The following LIFR variants were observed in gnomAD, a reference collection of about 807,000 sequenced individuals.
LIFR encodes the protein leukemia inhibitory factor receptor.
LIFR carries 84 observed loss-of-function variants against 122.2 expected under a neutral mutation model. The ratio of observed to expected loss-of-function variants is 0.69; its 90% confidence interval spans 0.58 to 0.82. LIFR has a LOEUF of 0.82. LIFR is among the 40% of genes least tolerant of loss of function. The pLI is 0.00. For missense variants in LIFR, 1,294 were observed against 1,311.6 expected (o/e 0.99, Z 0.21); for synonymous variants, 422 against 434.7 (o/e 0.97, Z 0.36).
In LIFR at chr5:38,478,965, C is replaced by G. The variant is rs1743847507; in HGVS notation, c.*2630G>C. Reference sequence around the variant, plus strand: ...GGGAGAAGCCACGAATCTAACTGGACAGAGCACAATCAGTATGAGACCACC... The same window carrying G: ...GGGAGAAGCCACGAATCTAACTGGAGAGAGCACAATCAGTATGAGACCACC... On this transcript the variant is annotated 3_prime_UTR_variant, in exon 20 of 20. Transcript: ENST00000453190. 4.3e-6 allele frequency: 1 copy of G among 230,412 alleles called. No homozygotes were observed. Among genetic ancestry groups the G allele is most frequent in the Non-Finnish European group, 8.6e-6 (1 of 116,298 alleles). The allele number at this position is 230,412 out of a possible 1,614,324, so 14.3% of individuals were successfully genotyped here. A position where few individuals can be genotyped will look rare whatever the true frequency, so the allele number is the denominator to read the frequency against.
intron 1 of LIFR, among the ~76,000 whole-genome samples, chr5:38,535,969 A>G (rs531944674): frequency 1.3e-5 from 2 of 152,304 alleles, no homozygotes; most frequent in Admixed American, 1.3e-4. Flanking sequence ...ACATCTGTCC[A>G]ACACTCTGAA....
intron 6 of LIFR, 148 bp from the exon 7 acceptor site, chr5:38,510,866 T>C (rs994422949): frequency 1.5e-5 from 10 of 668,970 alleles, no homozygotes; most frequent in African/African-American, 3.6e-5. Context: ...GTAATGATAA[T>C]GGTCCAAAGA....
At position 38,474,802 on chromosome 5, in the gene LIFR, T is replaced by C. The variant is rs1207842518; in HGVS notation, c.*6793A>G. 1.3e-5 allele frequency among the ~76,000 whole-genome samples: 2 copies of C among 152,128 alleles called. No homozygotes were observed. The highest frequency in any genetic ancestry group is 2.4e-5 in the African/African-American group (1 of 41,424). ...GGATGTTACACCAATGGCACAGCAA[T>C]GTACTCAAATGTTAAAAATACATCC... On this transcript the variant is annotated 3_prime_UTR_variant, in exon 20 of 20. Transcript: ENST00000453190.
At chr5:38,531,399 T>C (rs1746999454) in intron 1 of LIFR, among the ~76,000 whole-genome samples, 2 of 151,870 alleles carry the variant, frequency 1.3e-5, no homozygotes, top group Non-Finnish European at 2.9e-5. Context: ...GGCTAAAATA[T>C]TAAAGAGAAA....
rs1483689469 is a variant in LIFR at position 38,481,247 on chromosome 5, AAAC to A, written c.*345_*347del. The A allele has an allele frequency of 2.8e-6, 1 of 359,520 alleles. No homozygotes were observed. The highest frequency in any genetic ancestry group is 5.1e-6 in the Non-Finnish European group (1 of 195,506). 22.3% of individuals were successfully genotyped at this position (359,520 alleles called of 1,614,324 possible). On this transcript the variant is annotated 3_prime_UTR_variant, in exon 20 of 20. Coordinates refer to ENST00000453190, the MANE Select transcript of LIFR (RefSeq NM_001127671.2). The stretch of plus-strand genomic sequence containing the variant: ...CCAAGTATACACATGAGAAAACCAC[AAAC>A]AACAGAACAGAAAACAGTTGCGGCG...
chr5:38,561,732 G>A (rs1748845374), intron 1 of LIFR, among the ~76,000 whole-genome samples: 1 of 152,148 alleles, frequency 6.6e-6, no homozygotes, highest in African/African-American at 2.4e-5. Flanking sequence ...TGATGGTGAG[G>A]CAGTTCTAGC....
chr5:38,547,807 A>G (rs1404359145), intron 1 of LIFR, among the ~76,000 whole-genome samples: 1 of 152,196 alleles, frequency 6.6e-6, no homozygotes, highest in African/African-American at 2.4e-5. Context: ...GGTATAGTCT[A>G]CTAGACACCT....
Position 38,476,633 on chromosome 5 carries a change from T to A in LIFR, c.*4962A>T, listed in dbSNP as rs779848824. On this transcript the variant is annotated 3_prime_UTR_variant, in exon 20 of 20. Transcript: ENST00000453190. Reference sequence around the variant, plus strand: ...CAATTAGACATTTTCCCCACTCACATCTCTTAGTTTTTAGGGTATTCAGTC... The same window carrying A: ...CAATTAGACATTTTCCCCACTCACAACTCTTAGTTTTTAGGGTATTCAGTC... 4.9e-6 allele frequency: 1 copy of A among 204,600 alleles called. No individual in the cohort carries two copies. Among genetic ancestry groups the A allele is most frequent in the Non-Finnish European group, 1.0e-5 (1 of 100,150 alleles). 12.7% of individuals were successfully genotyped at this position (204,600 alleles called of 1,614,324 possible).
rs1748563735 is a variant in LIFR at position 38,556,556 on chromosome 5, C to T, written c.-242G>A. 2 of 149,972 alleles carry T rather than the reference C, an allele frequency of 1.3e-5. No homozygotes were observed. Among genetic ancestry groups the T allele is most frequent in the Admixed American group, 1.3e-4 (2 of 15,096 alleles). 9.3% of individuals were successfully genotyped at this position (149,972 alleles called of 1,614,324 possible). ...CGGGCGAAGGGCGGCCCGCTGCGCT[C>T]CGCGAACCCCGCGGGCCGCCGCCGC... On this transcript the variant is annotated 5_prime_UTR_variant, in exon 1 of 20. Transcript: ENST00000453190.
At chr5:38,605,638 C>G (rs954790892) in intron 2 of LIFR, among the ~76,000 whole-genome samples, 30 of 152,132 alleles carry the variant, frequency 2.0e-4, no homozygotes, top group Non-Finnish European at 7.3e-5. Context: ...AAAAAAGATA[C>G]CTGCTAAGAT....
At position 38,479,409 on chromosome 5, in the gene LIFR, G is replaced by T. The variant is rs1179089748; in HGVS notation, c.*2186C>A. ...AATGAAGTCTTGGATAGAACGAAAG[G>T]ACTTAAGAGCCCCAGTGATATTCAT... On this transcript the variant is annotated 3_prime_UTR_variant, in exon 20 of 20. Transcript: ENST00000453190. 1 of 230,436 alleles carries T rather than the reference G, an allele frequency of 4.3e-6. No homozygotes were observed. Among genetic ancestry groups the T allele is most frequent in the Non-Finnish European group, 8.6e-6 (1 of 116,426 alleles). 14.3% of individuals were successfully genotyped at this position (230,436 alleles called of 1,614,324 possible).
intron 1 of LIFR, among the ~76,000 whole-genome samples, chr5:38,573,548 T>C (rs1301744859): frequency 6.6e-6 from 1 of 152,178 alleles, no homozygotes. Flanking sequence ...CAAATGAAAT[T>C]AAATAATTTT....
At chr5:38,593,067 G>T (rs1328202338) in intron 1 of LIFR, among the ~76,000 whole-genome samples, 3 of 152,152 alleles carry the variant, frequency 2.0e-5, no homozygotes, top group Non-Finnish European at 4.4e-5. Flanking sequence ...GCCAGGCATG[G>T]TGGTGCACGC....
chr5:38,514,422 T>C (rs1745966726), intron 5 of LIFR, among the ~76,000 whole-genome samples: 1 of 152,198 alleles, frequency 6.6e-6, no homozygotes, highest in Non-Finnish European at 1.5e-5. Context: ...GTTAAACTAG[T>C]AATCACGCAC....
At chr5:38,540,312 A>G (rs1747521776) in intron 1 of LIFR, among the ~76,000 whole-genome samples, 2 of 152,342 alleles carry the variant, frequency 1.3e-5, no homozygotes, top group South Asian at 4.1e-4. Context: ...TAGATGTACA[A>G]TGTGATTAGA....
chr5:38,503,156 T>C (rs1223690550), intron 10 of LIFR, among the ~76,000 whole-genome samples: 1 of 152,188 alleles, frequency 6.6e-6, no homozygotes, highest in Non-Finnish European at 1.5e-5. Flanking sequence ...TAAACCTTAA[T>C]GTGATTTATA....
At chr5:38,563,485 C>T (rs1179748588) in intron 1 of LIFR, among the ~76,000 whole-genome samples, 3 of 152,298 alleles carry the variant, frequency 2.0e-5, no homozygotes. Context: ...TCTCACTTTA[C>T]AGGTGAAGAG....
rs767895692 is a variant in LIFR at position 38,485,873 on chromosome 5, T to C, written c.2443A>G (p.Thr815Ala). The C allele has an allele frequency of 4.3e-6, 7 of 1,614,192 alleles. No individual in the cohort carries two copies. Among genetic ancestry groups the C allele is most frequent in the African/African-American group, 1.3e-5 (1 of 75,050 alleles). Residue 815 changes from threonine to alanine, a missense_variant, in exon 17 of 20, where the codon ACA (threonine) becomes GCA (alanine). Physicochemically the swap from Thr to Ala is moderately conservative, Grantham distance 58. Transcript: ENST00000453190. ...TSYHLVLRAY[T>A]DGGVGPEKSM... ...TTCTCCGGGCCCACTCCACCATCTGTATAGGCTCGCAAGACCAGGTGGTAA... is the reference window on the plus strand; with the variant it reads ...TTCTCCGGGCCCACTCCACCATCTGCATAGGCTCGCAAGACCAGGTGGTAA...
intron 1 of LIFR, among the ~76,000 whole-genome samples, chr5:38,574,874 A>G (rs529782759): frequency 5.3e-5 from 8 of 152,136 alleles, no homozygotes; most frequent in Non-Finnish European, 1.2e-4. Context: ...TTACCTCTAT[A>G]GCTAGAATAT....
Sources: allele counts gnomAD v4.1 joint callset (sites outside exome capture counted in the v4.1 genomes callset), GRCh38; gene constraint gnomAD v4.1.1; transcripts MANE v1.5; gene names NCBI Gene and HGNC (gene_info 2026-07-23, HGNC 2026-07-21).